The following PLEKHG7 variants were observed in gnomAD, a reference collection of about 807,000 sequenced individuals.
PLEKHG7 encodes pleckstrin homology domain-containing family G member 7.
A neutral mutation model predicts 85.2 loss-of-function variants in PLEKHG7; 77 were observed. The observed-to-expected ratio is 0.90, with a 90% CI of 0.75 to 1.09. The LOEUF (loss-of-function observed/expected upper bound fraction) is 1.09, where lower values mean the gene tolerates loss of function less well. PLEKHG7 is among the 50% of genes least tolerant of loss of function. The pLI is 0.00. For synonymous variants in PLEKHG7, 301 were observed against 302.4 expected, an observed-to-expected ratio of 1.00 and a Z score of 0.05; for missense variants, 777 against 804.3, an observed-to-expected ratio of 0.97 and a Z score of 0.41.
chr12:92,737,596 G>T, intron 7 of PLEKHG7, 75 bp downstream of exon 7: 1 of 1,374,312 alleles, frequency 7.3e-7, no homozygotes, highest in South Asian at 1.3e-5. Flanking sequence ...TTCCTCTTCT[G>T]AAAGAAATAA....
chr12:92,758,511 G>A (rs1159195952), intron 13 of PLEKHG7, among the ~76,000 whole-genome samples: 1 of 152,230 alleles, frequency 6.6e-6, no homozygotes, highest in African/African-American at 2.4e-5. Flanking sequence ...AGCTCCTGGT[G>A]GGTGAAAGTC....
In PLEKHG7 at chr12:92,754,172, C is replaced by T. The variant is rs1484747432; in HGVS notation, c.1334C>T (p.Pro445Leu). 14 of 1,613,864 alleles carry T rather than the reference C, an allele frequency of 8.7e-6. No homozygotes were observed. Among genetic ancestry groups the T allele is most frequent in the African/African-American group, 2.7e-5 (2 of 74,910 alleles). The change falls in exon 11 of 17, where the codon CCG (proline) becomes CTG (leucine). Residue 445 changes from proline to leucine, a missense_variant. Physicochemically the swap from Pro to Leu is moderately conservative, Grantham distance 98. Transcript: ENST00000344636. The part of the protein sequence containing the change: ...VAPLQRLTRY[P>L]LLLKNIWKRS... ...CCACTACAGAGGCTCACTCGATATCCGTTGTTGCTGAAGAATATCTGGAAA... is the reference window on the plus strand; with the variant it reads ...CCACTACAGAGGCTCACTCGATATCTGTTGTTGCTGAAGAATATCTGGAAA...
chr12:92,760,993 T>C lies in PLEKHG7; in HGVS notation c.1637-759T>C, dbSNP rs149007328. Among the ~76,000 whole-genome samples, 18 of 152,314 alleles carry C rather than the reference T, an allele frequency of 1.2e-4. No individual in the cohort carries two copies. In the East Asian group the frequency reaches 3.5e-3, roughly 29 times the overall value. ...CAGGCCAAGGTGATGGCAAATTCAG[T>C]TCCTGATGAGCGCTCTCTTCAAGAC... On this transcript the variant is annotated intron_variant, in intron 13 of 16. Transcript: ENST00000344636.
chr12:92,728,923 T>A lies in PLEKHG7; in HGVS notation c.531-70T>A, dbSNP rs879082324. The A allele has an allele frequency of 6.9e-6, 8 of 1,162,118 alleles. No individual in the cohort carries two copies. The South Asian group carries it at 3.1e-4, about 45-fold the overall frequency. 72.0% of individuals were successfully genotyped at this position (1,162,118 alleles called of 1,614,324 possible). On this transcript the variant is annotated intron_variant, in intron 3 of 16. Transcript: ENST00000344636. The stretch of plus-strand genomic sequence containing the variant: ...CAACATCTGTTGTTTTTTTACTTTT[T>A]AAAAATAGCCATTCTGAGTGGTCTA...
chr12:92,712,341 G>A (rs935090163), intron 3 of PLEKHG7, among the ~76,000 whole-genome samples: 1 of 152,194 alleles, frequency 6.6e-6, no homozygotes, highest in African/African-American at 2.4e-5. Context: ...ATTGCTTCTG[G>A]TGGGCCTTAT....
rs749491620 is a variant in PLEKHG7, at chr12:92,754,277, G to A, written c.1426+13G>A. ...GAAAAGTCCATCCGTAAGTCCCTGA[G>A]ATAAGTGAGCTTAATTACAGAATTG... is the stretch of plus-strand genomic sequence containing the variant. On this transcript the variant is annotated intron_variant, in intron 11 of 16. Transcript: ENST00000344636. 2.5e-6 allele frequency: 4 copies of A among 1,611,542 alleles called. No individual in the cohort carries two copies. Among genetic ancestry groups the A allele is most frequent in the Non-Finnish European group, 3.4e-6 (4 of 1,178,142 alleles).
At chr12:92,743,379 T>C (rs1052769511) in intron 9 of PLEKHG7, among the ~76,000 whole-genome samples, 1 of 152,226 alleles carries the variant, frequency 6.6e-6, no homozygotes, top group African/African-American at 2.4e-5. Context: ...ACAGTATACC[T>C]GTGCCTCACA....
chr12:92,753,352 A>C (rs1210504132), intron 10 of PLEKHG7, among the ~76,000 whole-genome samples: 1 of 152,210 alleles, frequency 6.6e-6, no homozygotes, highest in Non-Finnish European at 1.5e-5. Flanking sequence ...ACAGCACAGC[A>C]GATAAAACAA....
chr12:92,710,248 A>T (rs531226822), intron 3 of PLEKHG7, among the ~76,000 whole-genome samples: 1 of 152,336 alleles, frequency 6.6e-6, no homozygotes, highest in African/African-American at 2.4e-5. Context: ...GGCCATCCAG[A>T]AAACTTTGTC....
rs1375745510 is a variant in PLEKHG7 at position 92,755,871 on chromosome 12, T to TA, written c.1474dup (p.Arg492LysfsTer15). On this transcript the variant is annotated frameshift_variant, in exon 12 of 17. Transcript: ENST00000344636. LOFTEE classifies it high-confidence loss of function. ...AGTGGCTGGACAATTTCCAAAAATT[T>TA]AGATATCTACAGGAGATTATAGTGT... The TA allele has an allele frequency of 6.2e-7, 1 of 1,613,704 alleles. No individual in the cohort carries two copies. Among genetic ancestry groups the TA allele is most frequent in the Non-Finnish European group, 8.5e-7 (1 of 1,179,878 alleles).
chr12:92,706,037 C>A (rs540510481), intron 1 of PLEKHG7, among the ~76,000 whole-genome samples: 1 of 152,144 alleles, frequency 6.6e-6, no homozygotes, highest in Non-Finnish European at 1.5e-5. Flanking sequence ...GTAATTTAAA[C>A]CTTGAGGGAA....
intron 13 of PLEKHG7, among the ~76,000 whole-genome samples, chr12:92,759,032 AATG>A (rs1158364019): frequency 1.3e-5 from 2 of 152,204 alleles, no homozygotes; most frequent in African/African-American, 2.4e-5. Flanking sequence ...TGCTGCTGAT[AATG>A]ATGATGACAA....
chr12:92,715,721 A>AG (rs899166812), intron 3 of PLEKHG7, among the ~76,000 whole-genome samples: 1 of 150,880 alleles, frequency 6.6e-6, no homozygotes, highest in African/African-American at 2.4e-5. Context: ...TGCCTCAAAA[A>AG]AAAAAAAAAA....
At chr12:92,742,583 G>A (rs1243345288) in intron 9 of PLEKHG7, among the ~76,000 whole-genome samples, 2 of 112,370 alleles carry the variant, frequency 1.8e-5, no homozygotes, top group Non-Finnish European at 3.5e-5. Flanking sequence ...ATTTTTGTTT[G>A]TTGTTTAGTT....
intron 9 of PLEKHG7, among the ~76,000 whole-genome samples, chr12:92,743,801 C>T (rs1317319494): frequency 3.9e-5 from 6 of 152,130 alleles, no homozygotes; most frequent in Non-Finnish European, 5.9e-5. Flanking sequence ...CTCAGGTGAT[C>T]CACCTGCCTC....
intron 10 of PLEKHG7, among the ~76,000 whole-genome samples, chr12:92,753,834 G>T (rs543559204): frequency 4.0e-4 from 61 of 152,316 alleles, no homozygotes; most frequent in African/African-American, 1.4e-3. Flanking sequence ...AAGCCAATGG[G>T]CAAAACTAAA....
chr12:92,743,269 G>A (rs1227053007), intron 9 of PLEKHG7, among the ~76,000 whole-genome samples: 1 of 152,092 alleles, frequency 6.6e-6, no homozygotes, highest in African/African-American at 2.4e-5. Context: ...AACAACACAT[G>A]GCATGTCTGC....
intron 11 of PLEKHG7, 120 bp from the exon 12 acceptor site, chr12:92,755,705 T>C: frequency 1.4e-6 from 1 of 725,826 alleles, no homozygotes; most frequent in Non-Finnish European, 2.5e-6. Flanking sequence ...ATGAACTTTA[T>C]ATATTGTCTG....
Position 92,756,401 on chromosome 12 carries a change from T to TTCA in PLEKHG7, c.1636+10_1636+11insTCA, listed in dbSNP as rs773012545. ...AAATTAACTCTTGCAGGTAAATAAC[T>TTCA]GCTTCCTTTAAAAAACCCAACATCT... On this transcript the variant is annotated intron_variant, in intron 13 of 16. Transcript: ENST00000344636. The TTCA allele has an allele frequency of 1.9e-6, 3 of 1,594,708 alleles. No homozygotes were observed. Among genetic ancestry groups the TTCA allele is most frequent in the African/African-American group, 2.7e-5 (2 of 74,442 alleles).
Sources: gnomAD v4.1 joint callset for allele counts (sites outside exome capture counted in the v4.1 genomes callset) on GRCh38, gnomAD v4.1.1 for gene constraint, MANE v1.5 for transcripts, NCBI Gene and HGNC (gene_info 2026-07-23, HGNC 2026-07-21) for gene names.